The following OLA1 variants were observed in gnomAD, a reference collection of about 807,000 sequenced individuals.
OLA1 encodes the protein Obg like ATPase 1.
OLA1 carries 14 observed loss-of-function variants against 48.4 expected under a neutral mutation model. The ratio of observed to expected loss-of-function variants is 0.29; its 90% CI spans 0.19 to 0.45. The LOEUF is 0.45. Among genes scored for constraint, OLA1 ranks in the 20% least tolerant of loss-of-function variants. OLA1 has a pLI of 1.00. For synonymous variants in OLA1, 127 were observed against 150.4 expected (o/e 0.84, Z 1.14); for missense variants, 325 against 467.1 (o/e 0.70, Z 2.80).
intron 4 of OLA1, among the ~76,000 whole-genome samples, chr2:174,142,473 C>T (rs1240896509): frequency 6.6e-6 from 1 of 152,142 alleles, no homozygotes; most frequent in Non-Finnish European, 1.5e-5. Flanking sequence ...ACCACTCAGA[C>T]ACACAATTTA....
At position 174,073,796 on chromosome 2, in the gene OLA1, T is replaced by G. The variant is rs1684663169; in HGVS notation, c.*1630A>C. 1 of 152,222 alleles carries G rather than the reference T, an allele frequency of 6.6e-6. No homozygotes were observed. Among genetic ancestry groups the G allele is most frequent in the African/African-American group, 2.4e-5 (1 of 41,452 alleles). 9.4% of individuals were successfully genotyped at this position (152,222 alleles called of 1,614,324 possible). Reference sequence around the variant, plus strand: ...CCCTAACAATCCACTAATCTACACATTACTCCAATACAGAAATAGATATAA... The same window carrying G: ...CCCTAACAATCCACTAATCTACACAGTACTCCAATACAGAAATAGATATAA... On this transcript the variant is annotated 3_prime_UTR_variant, in exon 11 of 11. Transcript: ENST00000284719.
intron 4 of OLA1, among the ~76,000 whole-genome samples, chr2:174,220,238 C>T (rs972826933): frequency 2.5e-4 from 38 of 152,274 alleles, no homozygotes; most frequent in African/African-American, 8.9e-4. Flanking sequence ...TTTTCCATCG[C>T]TCCTACTCCT....
intron 5 of OLA1, among the ~76,000 whole-genome samples, chr2:174,133,588 C>T (rs1686234082): frequency 6.6e-6 from 1 of 152,010 alleles, no homozygotes; most frequent in African/African-American, 2.4e-5. Context: ...TCAAGCAATC[C>T]ACCCCCTCAG....
At chr2:174,203,713 T>G (rs1413118425) in intron 4 of OLA1, among the ~76,000 whole-genome samples, 1 of 152,170 alleles carries the variant, frequency 6.6e-6, no homozygotes, top group Non-Finnish European at 1.5e-5. Context: ...GCTTTGTTAT[T>G]TTATTTTACT....
chr2:174,247,705 C>A, intron 1 of OLA1: 1 of 1,551,182 alleles, frequency 6.4e-7, no homozygotes. Context: ...TCCCTCCCAC[C>A]TTTGGCACTG....
intron 2 of OLA1, among the ~76,000 whole-genome samples, chr2:174,243,839 A>C (rs1689064656): frequency 6.6e-6 from 1 of 152,256 alleles, no homozygotes; most frequent in Non-Finnish European, 1.5e-5. Context: ...CTATTCACCC[A>C]GCTAAAAACC....
intron 2 of OLA1, among the ~76,000 whole-genome samples, chr2:174,244,802 G>T (rs956800331): frequency 5.9e-5 from 9 of 151,732 alleles, no homozygotes; most frequent in African/African-American, 2.2e-4. Flanking sequence ...TTTTTGTTGT[G>T]TTTTTTTAAA....
chr2:174,082,413 T>C (rs1435861752), intron 7 of OLA1, among the ~76,000 whole-genome samples: 2 of 152,158 alleles, frequency 1.3e-5, no homozygotes, highest in Non-Finnish European at 2.9e-5. Context: ...CTTTACAAAG[T>C]AAATTTTTAA....
intron 4 of OLA1, among the ~76,000 whole-genome samples, chr2:174,190,187 C>T (rs1200108252): frequency 2.0e-5 from 3 of 151,980 alleles, no homozygotes; most frequent in Non-Finnish European, 4.4e-5. Flanking sequence ...ATGCTGTGGG[C>T]GTGAGGAGGG....
intron 4 of OLA1, among the ~76,000 whole-genome samples, chr2:174,183,891 C>T (rs1025750668): frequency 5.9e-5 from 9 of 152,156 alleles, no homozygotes; most frequent in Admixed American, 5.2e-4. Flanking sequence ...AGGAATTTAG[C>T]TTTGATTTCC....
chr2:174,178,075 A>G (rs1451791114), intron 4 of OLA1, among the ~76,000 whole-genome samples: 2 of 152,058 alleles, frequency 1.3e-5, no homozygotes, highest in Admixed American at 6.6e-5. Context: ...AAAAAGCTGT[A>G]CATTTCAAAT....
intron 2 of OLA1, 24 bp from the exon 3 acceptor site, chr2:174,229,475 A>G: frequency 6.3e-7 from 1 of 1,590,598 alleles, no homozygotes; most frequent in Non-Finnish European, 8.6e-7. Flanking sequence ...AAGCAATTTC[A>G]ATCAATTCTT....
chr2:174,209,718 G>A (rs1382711283), intron 4 of OLA1, among the ~76,000 whole-genome samples: 1 of 152,092 alleles, frequency 6.6e-6, no homozygotes, highest in Non-Finnish European at 1.5e-5. Flanking sequence ...TCCCCTCCCA[G>A]GTGGCCTAAT....
Position 174,203,465 on chromosome 2 carries a change from C to CTTT in OLA1, c.373+19565_373+19567dup, listed in dbSNP as rs71021678. 8.3e-3 allele frequency among the ~76,000 whole-genome samples: 1,164 copies of CTTT among 140,548 alleles called. 20 individuals carry two copies. The highest frequency in any genetic ancestry group is 0.018 in the South Asian group (79 of 4,340). 92.2% of individuals were successfully genotyped at this position (140,548 alleles called of 152,430 possible). ...CTCCTAACTACTGTCTAGCTAACATCTTTTTTTTTTTTTTTTTAAGAGATG... is the reference window on the plus strand; with the variant it reads ...CTCCTAACTACTGTCTAGCTAACATCTTTTTTTTTTTTTTTTTTTTAAGAGATG... On this transcript the variant is annotated intron_variant, in intron 4 of 10. Coordinates refer to ENST00000284719, the MANE Select transcript of OLA1 (RefSeq NM_013341.5).
rs867834088 is a variant in OLA1 at position 174,247,690 on chromosome 2, C to T, written c.-1+762G>A. 29 of 1,551,054 alleles carry T rather than the reference C, an allele frequency of 1.9e-5. No homozygotes were observed. In the African/African-American group the frequency reaches 2.9e-4, roughly 15 times the overall value. On this transcript the variant is annotated intron_variant, in intron 1 of 10. Coordinates refer to ENST00000284719, the MANE Select transcript of OLA1 (RefSeq NM_013341.5). Reference sequence around the variant, plus strand: ...CCCACCAGGTACTGGGGTCCTTCCACCAAGTCCCTCCCACCTTTGGCACTG... The same window carrying T: ...CCCACCAGGTACTGGGGTCCTTCCATCAAGTCCCTCCCACCTTTGGCACTG...
Position 174,133,413 on chromosome 2 carries a change from T to C in OLA1, c.549+8412A>G, listed in dbSNP as rs1428974127. On this transcript the variant is annotated intron_variant, in intron 5 of 10. Transcript: ENST00000284719. ...ACTCACTCTCTCACCCAGGCTGGAG[T>C]GCAGTGGCGCAACCTCGACTCACTG... 2.6e-5 allele frequency among the ~76,000 whole-genome samples: 4 copies of C among 152,268 alleles called. No individual in the cohort carries two copies. In the East Asian group the frequency reaches 7.7e-4, roughly 29 times the overall value.
At chr2:174,161,902 A>G (rs1307467555) in intron 4 of OLA1, among the ~76,000 whole-genome samples, 1 of 152,172 alleles carries the variant, frequency 6.6e-6, no homozygotes, top group Non-Finnish European at 1.5e-5. Context: ...AGCGTATTTT[A>G]GGTATCTAGG....
chr2:174,092,244 A>G (rs961754094), intron 7 of OLA1, among the ~76,000 whole-genome samples: 2 of 152,132 alleles, frequency 1.3e-5, no homozygotes, highest in African/African-American at 4.8e-5. Flanking sequence ...TATTTTGTAC[A>G]CTGCAGTAAA....
In OLA1 at chr2:174,138,275, G is replaced by T. The variant is rs542425282; in HGVS notation, c.549+3550C>A. Among the ~76,000 whole-genome samples the T allele has an allele frequency of 9.2e-5, 14 of 152,238 alleles. No homozygotes were observed. In the East Asian group the frequency reaches 2.7e-3, roughly 29 times the overall value. ...TGAACACTTAGAAGCCATCGTAGGG[G>T]TATTATTAATATTTGGCCCAATTTC... On this transcript the variant is annotated intron_variant, in intron 5 of 10. Transcript: ENST00000284719.
Sources: allele counts gnomAD v4.1 joint callset (sites outside exome capture counted in the v4.1 genomes callset), GRCh38; gene constraint gnomAD v4.1.1; transcripts MANE v1.5; gene names NCBI Gene and HGNC (gene_info 2026-07-23, HGNC 2026-07-21).